NFX1: variants seen among roughly 807,000 people sequenced by gnomAD.
NFX1 encodes the protein transcriptional repressor NF-X1.
NFX1 carries 69 observed loss-of-function variants against 137.2 expected under a neutral mutation model. The ratio of observed to expected loss-of-function variants is 0.50; its 90% CI spans 0.41 to 0.61. The LOEUF (loss-of-function observed/expected upper bound fraction) is 0.61. Ranked by LOEUF, NFX1 falls within the 20% of genes least tolerant of loss-of-function variation. The pLI, the probability that NFX1 is intolerant of heterozygous loss-of-function variation, is 0.00. For missense variants in NFX1, 1,167 were observed against 1,391.0 expected (o/e 0.84, Z 2.56); for synonymous variants, 495 against 474.1 (o/e 1.04, Z -0.57).
At position 33,354,123 on chromosome 9, in the gene NFX1, A is replaced by G. The variant is rs766324581; in HGVS notation, c.2767A>G (p.Met923Val). 4 of 1,613,344 alleles carry G rather than the reference A, an allele frequency of 2.5e-6. No individual in the cohort carries two copies. The highest frequency in any genetic ancestry group is 2.2e-5 in the South Asian group (2 of 90,884). The change falls in exon 18 of 24, where the codon ATG becomes GTG. Residue 923 changes from methionine to valine, a missense_variant. Around this residue, in one of 3 missense-constraint regions of NFX1, gnomAD observed 312 missense variants for 312.8 expected, o/e 1.00. Coordinates refer to ENST00000379540, the MANE Select transcript of NFX1 (RefSeq NM_002504.6). ...AISMASKITDMQLGGSVEISK... is the reference protein window; with the variant it reads ...AISMASKITDVQLGGSVEISK... ...CTCCATGGCCTCTAAGATAACAGAC[A>G]TGCAGCTTGGAGGTTCAGTGGAGAT...
At chr9:33,354,982 C>A in intron 19 of NFX1, 90 bp downstream of exon 19, 1 of 1,202,024 alleles carries the variant, frequency 8.3e-7, no homozygotes. Flanking sequence ...GTCATTCACT[C>A]AGCACTGCGC....
Position 33,338,108 on chromosome 9 carries a change from A to G in NFX1, c.2036-402A>G, listed in dbSNP as rs150653467. On this transcript the variant is annotated intron_variant, in intron 11 of 23. Transcript: ENST00000379540. ...GTTGGCTCACACCTGTAATCTCAGC[A>G]CTTTGGGAGGCCATGGGAGGTGGAT... Among the ~76,000 whole-genome samples the G allele has an allele frequency of 3.6e-3, 543 of 151,968 alleles. 4 individuals carry two copies. Among genetic ancestry groups the G allele is most frequent in the African/African-American group, 0.012 (518 of 41,454 alleles).
At chr9:33,326,009 A>G (rs950252694) in intron 9 of NFX1, among the ~76,000 whole-genome samples, 1 of 152,266 alleles carries the variant, frequency 6.6e-6, no homozygotes, top group Admixed American at 6.5e-5. Flanking sequence ...TGATAATTAT[A>G]GCATAAAGGA....
intron 9 of NFX1, among the ~76,000 whole-genome samples, chr9:33,322,200 C>CG (rs1275231456): frequency 3.6e-5 from 5 of 137,338 alleles, no homozygotes; most frequent in Non-Finnish European, 7.8e-5. Context: ...GACTCCATCT[C>CG]GAAAAAAAAA....
At chr9:33,331,837 A>T (rs1052011514) in intron 10 of NFX1, among the ~76,000 whole-genome samples, 10 of 152,034 alleles carry the variant, frequency 6.6e-5, no homozygotes, top group African/African-American at 2.4e-4. Context: ...GACTCATTCT[A>T]CCCCAAGTGA....
rs1319296730 is a variant in NFX1 at position 33,371,089 on chromosome 9, A to C, written c.*1111A>C. The C allele has an allele frequency of 2.6e-5, 4 of 152,246 alleles. No homozygotes were observed. The highest frequency in any genetic ancestry group is 5.9e-5 in the Non-Finnish European group (4 of 68,036). 9.4% of individuals were successfully genotyped at this position (152,246 alleles called of 1,614,324 possible). On this transcript the variant is annotated 3_prime_UTR_variant, in exon 24 of 24. Coordinates refer to ENST00000379540, the MANE Select transcript of NFX1 (RefSeq NM_002504.6). Reference sequence around the variant, plus strand: ...TAGAGCAAGCCATGAGCCCCAGAGCAGTAGCAGGAGACTTGAGAAGTAGAG... The same window carrying C: ...TAGAGCAAGCCATGAGCCCCAGAGCCGTAGCAGGAGACTTGAGAAGTAGAG...
chr9:33,307,850 TGTGA>T (rs1821814112), intron 5 of NFX1, among the ~76,000 whole-genome samples: 1 of 147,356 alleles, frequency 6.8e-6, no homozygotes, highest in Non-Finnish European at 1.5e-5. Context: ...CAGGCTGGAG[TGTGA>T]GTGTGGTGGT....
intron 3 of NFX1, among the ~76,000 whole-genome samples, chr9:33,301,927 C>T (rs1395737910): frequency 2.0e-5 from 3 of 152,098 alleles, no homozygotes; most frequent in Non-Finnish European, 4.4e-5. Flanking sequence ...TAAAAATTAG[C>T]CAGGCGTGGT....
rs1822275279 is a variant in NFX1, at chr9:33,318,845, T to A, written c.1688+15T>A. 2 of 1,614,078 alleles carry A rather than the reference T, an allele frequency of 1.2e-6. No homozygotes were observed. Among genetic ancestry groups the A allele is most frequent in the African/African-American group, 2.7e-5 (2 of 74,946 alleles). On this transcript the variant is annotated intron_variant, in intron 8 of 23. Coordinates refer to ENST00000379540, the MANE Select transcript of NFX1 (RefSeq NM_002504.6). The stretch of plus-strand genomic sequence containing the variant: ...ATATGTGGCAAGTAAGGTTTTACGT[T>A]TTCTTCAGTTGAACTAAAGCTGCAC...
chr9:33,358,141 T>C (rs1587876205), intron 19 of NFX1, among the ~76,000 whole-genome samples: 1 of 152,208 alleles, frequency 6.6e-6, no homozygotes, highest in African/African-American at 2.4e-5. Flanking sequence ...AATTTTTTTT[T>C]TGAGACAGAG....
chr9:33,304,230 C>A (rs888632876), intron 4 of NFX1, among the ~76,000 whole-genome samples: 1 of 152,152 alleles, frequency 6.6e-6, no homozygotes, highest in Admixed American at 6.5e-5. Flanking sequence ...CCATTGCACT[C>A]CAGCCTGGGC....
Position 33,364,071 on chromosome 9 carries a change from G to A in NFX1, c.2935G>A (p.Gly979Arg). 3.7e-6 allele frequency: 6 copies of A among 1,605,194 alleles called. No homozygotes were observed. The highest frequency in any genetic ancestry group is 5.1e-6 in the Non-Finnish European group (6 of 1,176,426). ...TGATCCTTTCAATATACGTTCTTCA[G>A]GGTCAAAATTCAGTGATAGTTTGAA... is the stretch of plus-strand genomic sequence containing the variant. ...DSDPFNIRSS[G>R]SKFSDSLKED... The change falls in exon 20 of 24, where the codon GGG becomes AGG. Residue 979 changes from glycine (G) to arginine (R), a missense_variant. Transcript: ENST00000379540.
At position 33,295,266 on chromosome 9, in the gene NFX1, C is replaced by T; in HGVS notation, c.872C>T (p.Ala291Val). ...AAGGATGACCTCAATGAAAGACCAGCAAAATCTACCTGTGACAGTGAGAAC... is the reference window on the plus strand; with the variant it reads ...AAGGATGACCTCAATGAAAGACCAGTAAAATCTACCTGTGACAGTGAGAAC... ...IPKDDLNERP[A>V]KSTCDSENLA... The change falls in exon 2 of 24, where the codon GCA (alanine) becomes GTA (valine). Residue 291 changes from alanine (A) to valine (V), a missense_variant. Around this residue, in one of 3 missense-constraint regions of NFX1, gnomAD observed 367 missense variants for 386.7 expected, o/e 0.95. Coordinates refer to ENST00000379540, the MANE Select transcript of NFX1 (RefSeq NM_002504.6). 1 of 1,614,082 alleles carries T rather than the reference C, an allele frequency of 6.2e-7. No homozygotes were observed. Among genetic ancestry groups the T allele is most frequent in the Non-Finnish European group, 8.5e-7 (1 of 1,180,024 alleles).
intron 19 of NFX1, among the ~76,000 whole-genome samples, chr9:33,357,990 T>C (rs1367224432): frequency 6.6e-6 from 1 of 152,190 alleles, no homozygotes; most frequent in Non-Finnish European, 1.5e-5. Flanking sequence ...AGAAGGTGTA[T>C]TCTTGCATTT....
intron 6 of NFX1, 27 bp downstream of exon 6, chr9:33,311,204 A>G (rs1821947752): frequency 6.3e-7 from 1 of 1,599,286 alleles, no homozygotes; most frequent in Admixed American, 1.7e-5. Flanking sequence ...ACCCTAAAGA[A>G]GACCTCAGTT....
At chr9:33,357,009 A>T (rs1446437290) in intron 19 of NFX1, among the ~76,000 whole-genome samples, 2 of 151,144 alleles carry the variant, frequency 1.3e-5, no homozygotes, top group Admixed American at 6.6e-5. Context: ...AAAAAAAAAA[A>T]TAAGCCGGGC....
chr9:33,352,616 A>G (rs1011799890), intron 16 of NFX1, 30 bp from the exon 17 acceptor site: 2 of 1,596,076 alleles, frequency 1.3e-6, no homozygotes, highest in East Asian at 2.2e-5. Flanking sequence ...CCAGTGTGCT[A>G]AAAGTCGTTC....
At position 33,370,076 on chromosome 9, in the gene NFX1, T is replaced by A; in HGVS notation, c.*98T>A. ...GCCCGTTCCCCTCTGCCTGGCAGAA[T>A]CACAGTCTCACATACTGTCTTGTAC... On this transcript the variant is annotated 3_prime_UTR_variant, in exon 24 of 24. Transcript: ENST00000379540. The A allele has an allele frequency of 1.2e-6, 1 of 851,734 alleles. No individual in the cohort carries two copies. The highest frequency in any genetic ancestry group is 1.9e-6 in the Non-Finnish European group (1 of 519,022). 52.8% of individuals were successfully genotyped at this position (851,734 alleles called of 1,614,324 possible). A position where few individuals can be genotyped will look rare whatever the true frequency, so the allele number is the denominator to read the frequency against.
At chr9:33,345,846 A>G (rs1823402564) in intron 14 of NFX1, among the ~76,000 whole-genome samples, 1 of 152,188 alleles carries the variant, frequency 6.6e-6, no homozygotes, top group Non-Finnish European at 1.5e-5. Context: ...ATACCAGGCC[A>G]ACAACCATTT....
Sources: allele counts gnomAD v4.1 joint callset (sites outside exome capture counted in the v4.1 genomes callset), GRCh38; gene constraint gnomAD v4.1.1; regional missense constraint gnomAD v4.1.1; transcripts MANE v1.5; gene names NCBI Gene and HGNC (gene_info 2026-07-23, HGNC 2026-07-21).